The following APOL6 variants were observed in gnomAD, a reference collection of about 807,000 sequenced individuals.
APOL6 encodes apolipoprotein L, 6.
Under a neutral mutation model 2.4 loss-of-function variants are expected in APOL6, and 1 was observed. The ratio of observed to expected loss-of-function variants is 0.41; its 90% confidence interval spans 0.15 to 1.94. The LOEUF is 1.94. APOL6 is among the 30% of genes most tolerant of loss of function. The pLI is 0.30. For synonymous variants in APOL6, 189 were observed against 169.3 expected, an observed-to-expected ratio of 1.12 and a Z score of -0.90; for missense variants, 438 against 429.2, an observed-to-expected ratio of 1.02 and a Z score of -0.18.
chr22:35,666,116 G>C lies in APOL6; in HGVS notation c.*6520G>C, dbSNP rs9610332. On this transcript the variant is annotated 3_prime_UTR_variant, in exon 3 of 3. Coordinates refer to ENST00000409652, the MANE Select transcript of APOL6 (RefSeq NM_030641.4). ...ACTCCTATAATTCTAATATAACTTA[G>C]TGTACATTATCAGTAATAATCATAA... The C allele has an allele frequency of 6.6e-6, 1 of 152,090 alleles. No individual in the cohort carries two copies. Among genetic ancestry groups the C allele is most frequent in the Non-Finnish European group, 1.5e-5 (1 of 68,030 alleles). The allele number at this position is 152,090 out of a possible 1,614,324, so 9.4% of individuals were successfully genotyped here.
chr22:35,661,555 C>T lies in APOL6; in HGVS notation c.*1959C>T, dbSNP rs1925029085. Reference sequence around the variant, plus strand: ...GAGAGCCTATTGCTCCCAGGCTACGCACCTGTACAGCATGTGACTACTGAA... The same window carrying T: ...GAGAGCCTATTGCTCCCAGGCTACGTACCTGTACAGCATGTGACTACTGAA... On this transcript the variant is annotated 3_prime_UTR_variant, in exon 3 of 3. Transcript: ENST00000409652. 1 of 152,114 alleles carries T rather than the reference C, an allele frequency of 6.6e-6. No individual in the cohort carries two copies. Among genetic ancestry groups the T allele is most frequent in the Non-Finnish European group, 1.5e-5 (1 of 68,028 alleles). 9.4% of individuals were successfully genotyped at this position (152,114 alleles called of 1,614,324 possible). A position where few individuals can be genotyped will look rare whatever the true frequency, so the allele number is the denominator to read the frequency against.
chr22:35,648,970 C>T (rs1924617788), intron 1 of APOL6, among the ~76,000 whole-genome samples: 1 of 152,170 alleles, frequency 6.6e-6, no homozygotes, highest in Non-Finnish European at 1.5e-5. Flanking sequence ...ACATCAGCCA[C>T]AGGCGTTTCC....
rs1463080533 is a variant in APOL6, at chr22:35,663,559, T to G, written c.*3963T>G. On this transcript the variant is annotated 3_prime_UTR_variant, in exon 3 of 3. Coordinates refer to ENST00000409652, the MANE Select transcript of APOL6 (RefSeq NM_030641.4). ...TTTTACTTCTCAGTTGACTGAATTC[T>G]GTTTTCACCGGATTTTTTGACTAAA... is the stretch of plus-strand genomic sequence containing the variant. The G allele has an allele frequency of 6.6e-6, 1 of 151,928 alleles. No individual in the cohort carries two copies. The highest frequency in any genetic ancestry group is 2.4e-5 in the African/African-American group (1 of 41,402). 9.4% of individuals were successfully genotyped at this position (151,928 alleles called of 1,614,324 possible).
intron 1 of APOL6, among the ~76,000 whole-genome samples, chr22:35,648,876 C>G (rs558953839): frequency 3.6e-4 from 55 of 152,336 alleles, no homozygotes; most frequent in Non-Finnish European, 1.6e-4. Context: ...TGCGATGTGA[C>G]TAGCCAAGTT....
intron 2 of APOL6, among the ~76,000 whole-genome samples, chr22:35,657,319 C>A (rs182317173): frequency 2.6e-5 from 4 of 152,156 alleles, no homozygotes; most frequent in African/African-American, 7.2e-5. Context: ...GCCCTGGTGA[C>A]CTTCTGCTCT....
rs1472075298 is a variant in APOL6 at position 35,660,885 on chromosome 22, T to A, written c.*1289T>A. 3 of 152,334 alleles carry A rather than the reference T, an allele frequency of 2.0e-5. No individual in the cohort carries two copies. The South Asian group carries it at 6.2e-4, about 32-fold the overall frequency. The allele number at this position is 152,334 out of a possible 1,614,324, so 9.4% of individuals were successfully genotyped here. A position where few individuals can be genotyped will look rare whatever the true frequency, so the allele number is the denominator to read the frequency against. On this transcript the variant is annotated 3_prime_UTR_variant, in exon 3 of 3. Transcript: ENST00000409652. ...GTAGAAGGAACTTCCTTTCTAGACC[T>A]TGAAGGTTTAAGAATTTGAATCTAT...
At chr22:35,658,105 C>A (rs1008695906) in intron 2 of APOL6, among the ~76,000 whole-genome samples, 8 of 152,266 alleles carry the variant, frequency 5.3e-5, no homozygotes, top group Admixed American at 3.3e-4. Context: ...GATTCGAGGT[C>A]ATTAGAGTGG....
chr22:35,659,879 C>A lies in APOL6; in HGVS notation c.*283C>A. On this transcript the variant is annotated 3_prime_UTR_variant, in exon 3 of 3. Coordinates refer to ENST00000409652, the MANE Select transcript of APOL6 (RefSeq NM_030641.4). ...CTCCTGAGTGCAAGCAAGTCTCCTG[C>A]CTCAGCCTCCCAAGTAGCTGGGATT... The A allele has an allele frequency of 2.8e-6, 1 of 363,394 alleles. No individual in the cohort carries two copies. Among genetic ancestry groups the A allele is most frequent in the South Asian group, 5.2e-5 (1 of 19,376 alleles). 22.5% of individuals were successfully genotyped at this position (363,394 alleles called of 1,614,324 possible).
rs1234269744 is a variant in APOL6 at position 35,662,430 on chromosome 22, TC to T, written c.*2835del. 1 of 152,194 alleles carries T rather than the reference TC, an allele frequency of 6.6e-6. No individual in the cohort carries two copies. The highest frequency in any genetic ancestry group is 6.5e-5 in the Admixed American group (1 of 15,280). 9.4% of individuals were successfully genotyped at this position (152,194 alleles called of 1,614,324 possible). On this transcript the variant is annotated 3_prime_UTR_variant, in exon 3 of 3. Coordinates refer to ENST00000409652, the MANE Select transcript of APOL6 (RefSeq NM_030641.4). ...CTCCCACTCTATTCAAAGTTATCTC[TC>T]TGCTCACTGAGATAGATACATATCT...
At position 35,660,659 on chromosome 22, in the gene APOL6, G is replaced by C. The variant is rs1343922886; in HGVS notation, c.*1063G>C. 6.6e-6 allele frequency: 1 copy of C among 152,638 alleles called. No individual in the cohort carries two copies. The highest frequency in any genetic ancestry group is 2.4e-5 in the African/African-American group (1 of 41,460). The allele number at this position is 152,638 out of a possible 1,614,324, so 9.5% of individuals were successfully genotyped here. ...GGAGGCTGAGAAGTCTAAAATCAAGGCACCAGCAGATTCCACATCTCGTGA... is the reference window on the plus strand; with the variant it reads ...GGAGGCTGAGAAGTCTAAAATCAAGCCACCAGCAGATTCCACATCTCGTGA... On this transcript the variant is annotated 3_prime_UTR_variant, in exon 3 of 3. Transcript: ENST00000409652.
In APOL6 at chr22:35,662,697, A is replaced by G. The variant is rs928110443; in HGVS notation, c.*3101A>G. Reference sequence around the variant, plus strand: ...TGTGTCCTCAACCTTGGCAAAATAAACTTTCTAAATTAACTGAGACCTGTC... The same window carrying G: ...TGTGTCCTCAACCTTGGCAAAATAAGCTTTCTAAATTAACTGAGACCTGTC... On this transcript the variant is annotated 3_prime_UTR_variant, in exon 3 of 3. Coordinates refer to ENST00000409652, the MANE Select transcript of APOL6 (RefSeq NM_030641.4). The G allele has an allele frequency of 2.6e-5, 4 of 152,116 alleles. No individual in the cohort carries two copies. The highest frequency in any genetic ancestry group is 5.9e-5 in the Non-Finnish European group (4 of 68,034). 9.4% of individuals were successfully genotyped at this position (152,116 alleles called of 1,614,324 possible).
At chr22:35,653,978 T>G (rs1197487028) in intron 1 of APOL6, among the ~76,000 whole-genome samples, 1 of 152,222 alleles carries the variant, frequency 6.6e-6, no homozygotes, top group Admixed American at 6.5e-5. Flanking sequence ...TTCAATAATT[T>G]GCTAGAACAG....
chr22:35,649,327 TG>T (rs143674641), intron 1 of APOL6, among the ~76,000 whole-genome samples: 3,142 of 151,022 alleles, frequency 0.021, 110 homozygotes, highest in African/African-American at 0.073. Flanking sequence ...CCCAGCTACT[TG>T]GGAGGGTGCT....
Position 35,667,017 on chromosome 22 carries a change from T to C in APOL6, c.*7421T>C, listed in dbSNP as rs1034487051. The C allele has an allele frequency of 4.6e-5, 7 of 152,332 alleles. No individual in the cohort carries two copies. The highest frequency in any genetic ancestry group is 3.9e-4 in the Admixed American group (6 of 15,300). 9.4% of individuals were successfully genotyped at this position (152,332 alleles called of 1,614,324 possible). A position where few individuals can be genotyped will look rare whatever the true frequency, so the allele number is the denominator to read the frequency against. ...TGTTCTAATTTGTAACAGGACACGATTGGAGAAATTGGTTGTTTTACTAAG... is the reference window on the plus strand; with the variant it reads ...TGTTCTAATTTGTAACAGGACACGACTGGAGAAATTGGTTGTTTTACTAAG... On this transcript the variant is annotated 3_prime_UTR_variant, in exon 3 of 3. Coordinates refer to ENST00000409652, the MANE Select transcript of APOL6 (RefSeq NM_030641.4).
Position 35,663,854 on chromosome 22 carries a change from G to T in APOL6, c.*4258G>T, listed in dbSNP as rs1925099220. On this transcript the variant is annotated 3_prime_UTR_variant, in exon 3 of 3. Transcript: ENST00000409652. ...AAAGTCTAAGATAGGAAAAAAAAGT[G>T]GGGGGGCATTATAAATCTATAAAAT... The T allele has an allele frequency of 6.6e-6, 1 of 152,004 alleles. No homozygotes were observed. Among genetic ancestry groups the T allele is most frequent in the South Asian group, 2.1e-4 (1 of 4,822 alleles). 9.4% of individuals were successfully genotyped at this position (152,004 alleles called of 1,614,324 possible).
chr22:35,664,557 T>C lies in APOL6; in HGVS notation c.*4961T>C, dbSNP rs562052702. 1.3e-5 allele frequency: 2 copies of C among 152,350 alleles called. No homozygotes were observed. Among genetic ancestry groups the C allele is most frequent in the African/African-American group, 2.4e-5 (1 of 41,588 alleles). 9.4% of individuals were successfully genotyped at this position (152,350 alleles called of 1,614,324 possible). ...GTCAAATCGTTTTTCACTGTCTCAG[T>C]TGTAATTTTGCAATGGAAGTTTCAT... is the stretch of plus-strand genomic sequence containing the variant. On this transcript the variant is annotated 3_prime_UTR_variant, in exon 3 of 3. Transcript: ENST00000409652.
At chr22:35,656,245 T>C in intron 1 of APOL6, 134 bp from the exon 2 acceptor site, 1 of 673,842 alleles carries the variant, frequency 1.5e-6, no homozygotes, top group South Asian at 1.7e-5. Context: ...AATTTTCAAA[T>C]AATAGTTTGC....
Position 35,666,807 on chromosome 22 carries a change from T to C in APOL6, c.*7211T>C, listed in dbSNP as rs1014574837. 3.9e-5 allele frequency: 6 copies of C among 152,236 alleles called. No individual in the cohort carries two copies. Among genetic ancestry groups the C allele is most frequent in the African/African-American group, 1.2e-4 (5 of 41,456 alleles). 9.4% of individuals were successfully genotyped at this position (152,236 alleles called of 1,614,324 possible). ...TTAAAATGTTTGCTGATCCTTTGTT[T>C]TGTGTTTCAGTCTTAAAACTTTTCT... On this transcript the variant is annotated 3_prime_UTR_variant, in exon 3 of 3. Coordinates refer to ENST00000409652, the MANE Select transcript of APOL6 (RefSeq NM_030641.4).
rs147866631 is a variant in APOL6 at position 35,659,683 on chromosome 22, A to G, written c.*87A>G. 5.1e-5 allele frequency: 74 copies of G among 1,463,852 alleles called. No individual in the cohort carries two copies. In the African/African-American group the frequency reaches 8.5e-4, roughly 17 times the overall value. 90.7% of individuals were successfully genotyped at this position (1,463,852 alleles called of 1,614,324 possible). ...GGAGATGAGGGTGCCTGTCCTGGAC[A>G]GACCTCGGCATGCCTTCTGTTTCTC... On this transcript the variant is annotated 3_prime_UTR_variant, in exon 3 of 3. Coordinates refer to ENST00000409652, the MANE Select transcript of APOL6 (RefSeq NM_030641.4).
Sources: allele counts gnomAD v4.1 joint callset (sites outside exome capture counted in the v4.1 genomes callset), GRCh38; gene constraint gnomAD v4.1.1; transcripts MANE v1.5; gene names NCBI Gene and HGNC (gene_info 2026-07-23, HGNC 2026-07-21).